RASSF8: variants seen among roughly 807,000 people sequenced by gnomAD.
RASSF8 encodes ras association domain-containing protein 8.
Under a neutral mutation model 48.5 loss-of-function variants are expected in RASSF8, and 22 were observed. The ratio of observed to expected loss-of-function variants is 0.45; its 90% CI spans 0.32 to 0.65. The LOEUF (loss-of-function observed/expected upper bound fraction) is 0.65. RASSF8 is among the 30% of genes least tolerant of loss of function. The pLI is 0.03. For synonymous variants in RASSF8, 127 were observed against 171.5 expected (o/e 0.74, Z 2.03); for missense variants, 418 against 489.2 (o/e 0.85, Z 1.37).
chr12:25,980,214 CTGT>C (rs757000111), intron 1 of RASSF8, among the ~76,000 whole-genome samples: 1 of 152,264 alleles, frequency 6.6e-6, no homozygotes, highest in South Asian at 2.1e-4. Flanking sequence ...CGAGAACTTT[CTGT>C]TGTTGTTCTT....
At chr12:25,982,055 C>T (rs1941757623) in intron 1 of RASSF8, among the ~76,000 whole-genome samples, 3 of 152,044 alleles carry the variant, frequency 2.0e-5, no homozygotes, top group South Asian at 2.1e-4. Context: ...ATCGAAGATA[C>T]GGGGTACCAC....
rs1943940609 is a variant in RASSF8, at chr12:26,068,845, C to T, written c.*27C>T. The T allele has an allele frequency of 3.9e-6, 6 of 1,535,526 alleles. No individual in the cohort carries two copies. The highest frequency in any genetic ancestry group is 4.4e-6 in the Non-Finnish European group (5 of 1,146,042). On this transcript the variant is annotated 3_prime_UTR_variant, in exon 6 of 6. Coordinates refer to ENST00000689635, the MANE Select transcript of RASSF8 (RefSeq NM_001394098.1). ...ATTATCTGTCTTTAGGGAGGAGACC[C>T]AACAGAGGTACCAAGGACAGTAAAC...
At chr12:26,006,776 G>A (rs1249032020) in intron 2 of RASSF8, among the ~76,000 whole-genome samples, 1 of 152,182 alleles carries the variant, frequency 6.6e-6, no homozygotes, top group African/African-American at 2.4e-5. Context: ...CATTGAGTGG[G>A]ACAGTGTTGG....
At chr12:26,077,080 C>A (rs4570682), downstream of RASSF8, among the ~76,000 whole-genome samples, 213 of 141,760 alleles carry the variant, frequency 1.5e-3, no homozygotes, top group Non-Finnish European at 1.9e-3. Flanking sequence ...GAAGTGTCTG[C>A]TCATATCCTT....
intron 1 of RASSF8, among the ~76,000 whole-genome samples, chr12:25,984,382 AC>A (rs1941822214): frequency 6.6e-6 from 1 of 151,504 alleles, no homozygotes; most frequent in Non-Finnish European, 1.5e-5. Context: ...CTGCTCTGTC[AC>A]CCAGGCTGCA....
At chr12:26,045,159 CT>C (rs1370023776) in intron 2 of RASSF8, among the ~76,000 whole-genome samples, 1 of 152,180 alleles carries the variant, frequency 6.6e-6, no homozygotes, top group East Asian at 1.9e-4. Context: ...TGAATGGACA[CT>C]TTTTTTGTTC....
At chr12:25,988,712 G>A (rs76308946) in intron 1 of RASSF8, among the ~76,000 whole-genome samples, 379 of 152,186 alleles carry the variant, frequency 2.5e-3, no homozygotes, top group Admixed American at 4.0e-3. Flanking sequence ...AACCCCTCCT[G>A]GCCTTCCTCT....
intron 2 of RASSF8, among the ~76,000 whole-genome samples, chr12:26,024,627 T>C (rs1942862915): frequency 2.0e-5 from 3 of 152,156 alleles, no homozygotes; most frequent in Non-Finnish European, 4.4e-5. Flanking sequence ...CAAGTGAGAT[T>C]TTTCCTAGGA....
chr12:26,024,927 A>G (rs1419566204), intron 2 of RASSF8, among the ~76,000 whole-genome samples: 1 of 152,156 alleles, frequency 6.6e-6, no homozygotes, highest in Non-Finnish European at 1.5e-5. Flanking sequence ...ACTGCACTCC[A>G]AAGCCTGGGC....
chr12:26,067,541 A>G (rs1943903007), intron 4 of RASSF8, 28 bp from the exon 5 acceptor site: 2 of 1,574,460 alleles, frequency 1.3e-6, no homozygotes, highest in Non-Finnish European at 1.7e-6. Context: ...GAATCCTCAA[A>G]TTTAAAAAAA....
At chr12:26,014,800 G>A (rs1364113039) in intron 2 of RASSF8, among the ~76,000 whole-genome samples, 1 of 152,040 alleles carries the variant, frequency 6.6e-6, no homozygotes, top group South Asian at 2.1e-4. Flanking sequence ...TGATATGGCT[G>A]TAATTGTGGA....
At chr12:26,000,524 T>C (rs1942229976) in intron 2 of RASSF8, among the ~76,000 whole-genome samples, 1 of 152,180 alleles carries the variant, frequency 6.6e-6, no homozygotes, top group African/African-American at 2.4e-5. Flanking sequence ...ATTACATTGG[T>C]AATATACAGT....
chr12:25,959,234 C>CGGAG (rs1214162131), intron 1 of RASSF8, 86 bp downstream of exon 1: 1 of 152,446 alleles, frequency 6.6e-6, no homozygotes. Context: ...AGCTGCCCTC[C>CGGAG]GCCCGGTTGC....
chr12:25,981,441 C>T (rs773537651), intron 1 of RASSF8, among the ~76,000 whole-genome samples: 1 of 152,138 alleles, frequency 6.6e-6, no homozygotes, highest in Non-Finnish European at 1.5e-5. Context: ...AGAGGTTGTG[C>T]AGTTGGGGGT....
At chr12:25,979,257 T>C (rs1941681759) in intron 1 of RASSF8, among the ~76,000 whole-genome samples, 2 of 152,046 alleles carry the variant, frequency 1.3e-5, no homozygotes, top group Non-Finnish European at 2.9e-5. Flanking sequence ...CAGGGAGCTC[T>C]AGCAGCTGGC....
At chr12:26,053,746 G>T (rs1314695037) in intron 2 of RASSF8, among the ~76,000 whole-genome samples, 5 of 152,204 alleles carry the variant, frequency 3.3e-5, no homozygotes. Flanking sequence ...TCATACAGGG[G>T]ATAATGAAAC....
At chr12:26,074,858 G>A (rs998178290), downstream of RASSF8, among the ~76,000 whole-genome samples, 3 of 152,194 alleles carry the variant, frequency 2.0e-5, no homozygotes, top group African/African-American at 7.2e-5. Context: ...AAGAGAGATG[G>A]GAAGTAGGCA....
At chr12:26,079,348 G>A in exon 6 of RASSF8, 1 of 232,760 alleles carries the variant, frequency 4.3e-6, no homozygotes, top group Middle Eastern at 1.4e-3. Flanking sequence ...ACTTTGGGAG[G>A]CCGAGGTGGG....
At chr12:26,009,967 C>T (rs1942483259) in intron 2 of RASSF8, among the ~76,000 whole-genome samples, 1 of 152,162 alleles carries the variant, frequency 6.6e-6, no homozygotes, top group Admixed American at 6.5e-5. Flanking sequence ...GGTAAAATAG[C>T]CATTTATTCT....
Sources: gnomAD v4.1 joint callset for allele counts (sites outside exome capture counted in the v4.1 genomes callset) on GRCh38, gnomAD v4.1.1 for gene constraint, MANE v1.5 for transcripts, NCBI Gene and HGNC (gene_info 2026-07-23, HGNC 2026-07-21) for gene names.